DGKB: variants seen among roughly 807,000 people sequenced by gnomAD.
DGKB encodes 90 kDa diacylglycerol kinase.
A neutral mutation model predicts 114.3 loss-of-function variants in DGKB; 67 were observed. The observed-to-expected ratio is 0.59, with a 90% confidence interval of 0.48 to 0.72. The LOEUF (loss-of-function observed/expected upper bound fraction) is 0.72, where lower values mean the gene tolerates loss of function less well. Ranked by LOEUF, DGKB falls within the 30% of genes least tolerant of loss-of-function variation. The pLI is 0.00. For synonymous variants in DGKB, 398 were observed against 323.1 expected (o/e 1.23, Z -2.49); for missense variants, 907 against 975.2 (o/e 0.93, Z 0.93).
At chr7:14,284,645 A>T (rs61666375) in intron 23 of DGKB, among the ~76,000 whole-genome samples, 14,674 of 145,736 alleles carry the variant, frequency 0.1, 2,191 homozygotes, top group African/African-American at 0.34. Context: ...GATTAAGAAA[A>T]TGTGGCACAT....
chr7:14,584,891 C>T (rs1800508449), intron 17 of DGKB, among the ~76,000 whole-genome samples: 1 of 152,036 alleles, frequency 6.6e-6, no homozygotes, highest in African/African-American at 2.4e-5. Context: ...TACTGTTGAC[C>T]TCAGGTGATC....
At chr7:14,323,349 A>T (rs1316810558) in intron 23 of DGKB, among the ~76,000 whole-genome samples, 1 of 152,144 alleles carries the variant, frequency 6.6e-6, no homozygotes, top group Non-Finnish European at 1.5e-5. Flanking sequence ...GTGGTTACAT[A>T]GGTGTATTGA....
At chr7:14,304,672 A>G (rs987929808) in intron 23 of DGKB, among the ~76,000 whole-genome samples, 5 of 152,134 alleles carry the variant, frequency 3.3e-5, no homozygotes, top group African/African-American at 1.2e-4. Flanking sequence ...CATAAATGTC[A>G]TCTGATTTTC....
intron 20 of DGKB, among the ~76,000 whole-genome samples, chr7:14,487,680 C>A (rs1187422737): frequency 6.7e-6 from 1 of 149,352 alleles, no homozygotes; most frequent in East Asian, 2.0e-4. Context: ...TAGCTCACTG[C>A]AGCCTTGAAC....
chr7:14,279,535 A>T lies in DGKB; in HGVS notation c.2122+58980T>A, dbSNP rs1346814139. On this transcript the variant is annotated intron_variant, in intron 23 of 25. Coordinates refer to ENST00000402815, the MANE Select transcript of DGKB (RefSeq NM_001350709.2). ...TCTCCCAGTACGCAGCTGGAGATGA[A>T]ATTCTGGGTTGAAAATTCTTTTCTT... is the stretch of plus-strand genomic sequence containing the variant. Among the ~76,000 whole-genome samples the T allele has an allele frequency of 2.6e-5, 4 of 152,302 alleles. No homozygotes were observed. In the East Asian group the frequency reaches 7.7e-4, roughly 29 times the overall value.
intron 23 of DGKB, among the ~76,000 whole-genome samples, chr7:14,190,187 C>CAGCT (rs1784097612): frequency 6.6e-6 from 1 of 152,136 alleles, no homozygotes; most frequent in Non-Finnish European, 1.5e-5. Context: ...AAGAGATGAT[C>CAGCT]AGCTATCTTT....
chr7:14,885,500 G>C lies in DGKB; in HGVS notation c.-188+17092C>G, dbSNP rs1471546674. Among the ~76,000 whole-genome samples, 3 of 151,936 alleles carry C rather than the reference G, an allele frequency of 2.0e-5. No homozygotes were observed. The East Asian group carries it at 5.8e-4, about 29-fold the overall frequency. On this transcript the variant is annotated intron_variant, in intron 1 of 25. Coordinates refer to ENST00000402815, the MANE Select transcript of DGKB (RefSeq NM_001350709.2). ...TTAGACAGGAAGAAACTCGTGAGGA[G>C]GGTCAACTGCTATGAGAGAAGAAGG...
At chr7:14,370,445 T>G (rs1817446192) in intron 21 of DGKB, among the ~76,000 whole-genome samples, 1 of 152,192 alleles carries the variant, frequency 6.6e-6, no homozygotes, top group African/African-American at 2.4e-5. Flanking sequence ...AAAGTGTTTT[T>G]TTCTAATTCT....
At chr7:14,762,152 AAC>A (rs1339945654) in intron 2 of DGKB, among the ~76,000 whole-genome samples, 2 of 152,156 alleles carry the variant, frequency 1.3e-5, no homozygotes, top group Non-Finnish European at 2.9e-5. Flanking sequence ...TGTCAGAATC[AAC>A]TTAGAGCTGA....
At chr7:14,556,803 T>C (rs1319843960) in intron 20 of DGKB, among the ~76,000 whole-genome samples, 2 of 152,198 alleles carry the variant, frequency 1.3e-5, no homozygotes, top group Non-Finnish European at 2.9e-5. Flanking sequence ...TTGGAAGCTA[T>C]GGTTATGAGG....
At chr7:14,495,190 A>G (rs1307270854) in intron 20 of DGKB, among the ~76,000 whole-genome samples, 1 of 151,882 alleles carries the variant, frequency 6.6e-6, no homozygotes. Context: ...AAAATACTTT[A>G]ATAAGTGAAC....
At chr7:14,438,139 T>C (rs1829555718) in intron 21 of DGKB, among the ~76,000 whole-genome samples, 1 of 152,042 alleles carries the variant, frequency 6.6e-6, no homozygotes, top group African/African-American at 2.4e-5. Flanking sequence ...AACTCAGGGA[T>C]ACTAGGAGAA....
At chr7:14,967,352 T>G (rs1204993289) in intron 1 of DGKB, among the ~76,000 whole-genome samples, 1 of 151,880 alleles carries the variant, frequency 6.6e-6, no homozygotes, top group Non-Finnish European at 1.5e-5. Flanking sequence ...TGAGATGCAG[T>G]CTCTGTTGCC....
intron 1 of DGKB, among the ~76,000 whole-genome samples, chr7:14,856,264 G>A (rs1164354274): frequency 6.6e-6 from 1 of 151,962 alleles, no homozygotes; most frequent in African/African-American, 2.4e-5. Context: ...AACTACCTCA[G>A]TAGAACAGAA....
At chr7:14,198,174 T>TC (rs1785296907) in intron 23 of DGKB, among the ~76,000 whole-genome samples, 1 of 152,002 alleles carries the variant, frequency 6.6e-6, no homozygotes, top group South Asian at 2.1e-4. Context: ...TTCGCATAAA[T>TC]CATCAATAAA....
chr7:14,274,415 T>C (rs962228724), intron 23 of DGKB, among the ~76,000 whole-genome samples: 8 of 152,190 alleles, frequency 5.3e-5, no homozygotes, highest in African/African-American at 1.7e-4. Context: ...CAATGAATCC[T>C]AGTTACCCCA....
intron 25 of DGKB, among the ~76,000 whole-genome samples, chr7:14,174,303 T>C (rs1781414508): frequency 6.6e-6 from 1 of 152,222 alleles, no homozygotes; most frequent in Non-Finnish European, 1.5e-5. Flanking sequence ...AACCTTTGTC[T>C]TCCTCAGTTA....
At chr7:14,388,946 T>C (rs1820874240) in intron 21 of DGKB, among the ~76,000 whole-genome samples, 1 of 152,232 alleles carries the variant, frequency 6.6e-6, no homozygotes, top group Non-Finnish European at 1.5e-5. Context: ...TAACTCATTC[T>C]AAGCATGAAG....
At chr7:14,291,336 T>G (rs1475366849) in intron 23 of DGKB, among the ~76,000 whole-genome samples, 1 of 152,080 alleles carries the variant, frequency 6.6e-6, no homozygotes, top group African/African-American at 2.4e-5. Flanking sequence ...TATAGGGAGA[T>G]GAAATATTAA....
Sources: allele counts gnomAD v4.1 joint callset (sites outside exome capture counted in the v4.1 genomes callset), GRCh38; gene constraint gnomAD v4.1.1; transcripts MANE v1.5; gene names NCBI Gene and HGNC (gene_info 2026-07-23, HGNC 2026-07-21).